Variants in PTPN2 observed in about 807,000 individuals in gnomAD.
PTPN2 encodes tyrosine-protein phosphatase non-receptor type 2.
In PTPN2, 19 loss-of-function variants were observed where a neutral mutation model predicts 57.3. The observed-to-expected ratio is 0.33, with a 90% CI of 0.23 to 0.49. PTPN2 has a LOEUF of 0.49. Ranked by LOEUF, PTPN2 falls within the 20% of genes least tolerant of loss-of-function variation. The pLI is 0.99. For synonymous variants in PTPN2, 153 were observed against 164.9 expected (o/e 0.93, Z 0.55); for missense variants, 358 against 501.1 (o/e 0.71, Z 2.73).
rs1417557137 is a variant in PTPN2, at chr18:12,825,814, A to G, written c.491T>C (p.Ile164Thr). 8 of 1,604,868 alleles carry G rather than the reference A, an allele frequency of 5.0e-6. No individual in the cohort carries two copies. Among genetic ancestry groups the G allele is most frequent in the African/African-American group, 2.7e-5 (2 of 74,652 alleles). Residue 164 changes from isoleucine to threonine, a missense_variant, in exon 5 of 9, where the codon ATC (isoleucine) becomes ACC (threonine). Around this residue, in one of 4 missense-constraint regions of PTPN2, gnomAD observed 193 missense variants for 315.4 expected, o/e 0.61. Coordinates refer to ENST00000309660, the MANE Select transcript of PTPN2 (RefSeq NM_002828.4). ...YTVHLLQLENINSGETRTISH... is the reference protein window; with the variant it reads ...YTVHLLQLENTNSGETRTISH... ...TTCGGGCAAGAAAGGTCTTACATTG[A>G]TATTTTCTAATTGTAGTAGATGTAC...
In PTPN2 at chr18:12,841,031, CATT is replaced by C; in HGVS notation, c.161-4143_161-4141del. ...AACCTATAGGGATCTAAAGGTAAGA[CATT>C]ATTTGTTTGAAGCTTTTAAAAAGGA... On this transcript the variant is annotated intron_variant, in intron 2 of 8. Coordinates refer to ENST00000309660, the MANE Select transcript of PTPN2 (RefSeq NM_002828.4). The C allele has an allele frequency of 3.0e-6, 4 of 1,346,446 alleles. No homozygotes were observed. In the South Asian group the frequency reaches 6.5e-5, roughly 22 times the overall value. 83.4% of individuals were successfully genotyped at this position (1,346,446 alleles called of 1,614,324 possible).
chr18:12,789,957 C>G (rs2040942895), downstream of PTPN2, among the ~76,000 whole-genome samples: 1 of 151,520 alleles, frequency 6.6e-6, no homozygotes, highest in African/African-American at 2.4e-5. Context: ...CAGAGAGAGA[C>G]AAGTCTCCTC....
intron 7 of PTPN2, among the ~76,000 whole-genome samples, chr18:12,812,607 G>GA (rs796779240): frequency 6.7e-5 from 10 of 149,846 alleles, no homozygotes; most frequent in East Asian, 2.0e-4. Context: ...CTCAAAAAAA[G>GA]AAAAAAAAAC....
chr18:12,807,586 A>AAAAAAAAAAAAAAAAAAATATAT, intron 7 of PTPN2, among the ~76,000 whole-genome samples: 2 of 35,198 alleles, frequency 5.7e-5, no homozygotes, highest in African/African-American at 7.0e-5. Context: ...AAAAAAAAAA[A>AAAAAAAAAAAAAAAAAAATATAT]ATATATATAT....
At chr18:12,811,871 A>G (rs2041901937) in intron 7 of PTPN2, among the ~76,000 whole-genome samples, 1 of 108,910 alleles carries the variant, frequency 9.2e-6, no homozygotes, top group Non-Finnish European at 2.1e-5. Context: ...GCACCAACCC[A>G]TGAGTCACTG....
chr18:12,856,030 G>A (rs1276716572), intron 2 of PTPN2, among the ~76,000 whole-genome samples: 1 of 152,196 alleles, frequency 6.6e-6, no homozygotes, highest in Non-Finnish European at 1.5e-5. Flanking sequence ...ACAGAAAGTA[G>A]CCCTCAAGGC....
At chr18:12,797,226 G>A (rs1349606690) in intron 8 of PTPN2, among the ~76,000 whole-genome samples, 1 of 152,064 alleles carries the variant, frequency 6.6e-6, no homozygotes, top group East Asian at 1.9e-4. Context: ...AGGAGCCTGG[G>A]GGTATCGTTA....
At chr18:12,870,492 GAGAGAGAA>G (rs1414366266) in intron 1 of PTPN2, among the ~76,000 whole-genome samples, 4 of 98,756 alleles carry the variant, frequency 4.1e-5, no homozygotes, top group Non-Finnish European at 7.3e-5. Flanking sequence ...GAGAGAGAGA[GAGAGAGAA>G]AAGCGTGTTG....
chr18:12,805,161 A>C (rs1320509198), intron 7 of PTPN2, among the ~76,000 whole-genome samples: 1 of 152,188 alleles, frequency 6.6e-6, no homozygotes, highest in African/African-American at 2.4e-5. Context: ...CCATTTGATA[A>C]AATTCAACAT....
At chr18:12,802,369 T>G (rs568051301) in intron 7 of PTPN2, among the ~76,000 whole-genome samples, 1 of 152,362 alleles carries the variant, frequency 6.6e-6, no homozygotes, top group African/African-American at 2.4e-5. Context: ...TTAGTATTTA[T>G]GTACATGAGT....
At chr18:12,821,592 C>A (rs1017240380) in intron 5 of PTPN2, among the ~76,000 whole-genome samples, 1 of 152,176 alleles carries the variant, frequency 6.6e-6, no homozygotes, top group African/African-American at 2.4e-5. Context: ...ATCAAACTCA[C>A]CAGATCAGGA....
chr18:12,839,835 A>G (rs2042986615), intron 2 of PTPN2, among the ~76,000 whole-genome samples: 1 of 151,842 alleles, frequency 6.6e-6, no homozygotes, highest in African/African-American at 2.4e-5. Flanking sequence ...CTCAAACAGC[A>G]TGTTTTCTGA....
rs762208208 is a variant in PTPN2, at chr18:12,859,128, A to G, written c.160+36T>C. On this transcript the variant is annotated intron_variant, in intron 2 of 8. Coordinates refer to ENST00000309660, the MANE Select transcript of PTPN2 (RefSeq NM_002828.4). ...ACATCCTGCCTCCTAAAACAAACCA[A>G]AAAATACACATGCACACAAACCCAC... 1.8e-4 allele frequency: 281 copies of G among 1,561,552 alleles called. 1 individual carries two copies. The highest frequency in any genetic ancestry group is 1.7e-5 in the Non-Finnish European group (19 of 1,136,080).
At chr18:12,819,405 T>C (rs2042194734) in intron 5 of PTPN2, 2 of 422,522 alleles carry the variant, frequency 4.7e-6, no homozygotes, top group Middle Eastern at 5.7e-4. Context: ...CTATATACTA[T>C]ACTATTCCAT....
intron 2 of PTPN2, among the ~76,000 whole-genome samples, chr18:12,842,307 T>C (rs2043071135): frequency 6.6e-6 from 1 of 152,138 alleles, no homozygotes; most frequent in South Asian, 2.1e-4. Context: ...GATTTAACTT[T>C]CATCACATCC....
chr18:12,829,504 C>CAAAA, intron 4 of PTPN2, among the ~76,000 whole-genome samples: 1 of 89,128 alleles, frequency 1.1e-5, no homozygotes, highest in Non-Finnish European at 2.3e-5. Context: ...ACTCTGTCTC[C>CAAAA]AAAAAAAAAA....
intron 1 of PTPN2, among the ~76,000 whole-genome samples, chr18:12,883,345 G>A (rs994453776): frequency 6.6e-6 from 1 of 152,246 alleles, no homozygotes; most frequent in Non-Finnish European, 1.5e-5. Flanking sequence ...TTCTATGGGG[G>A]CCGAACCCAC....
Position 12,820,535 on chromosome 18 carries a change from C to A in PTPN2, c.496-3170G>T, listed in dbSNP as rs889193963. ...GATACAGAGCTAAAACGAAATTCAT[C>A]TTTATTCCAAACAAGGTCTGCATTT... On this transcript the variant is annotated intron_variant, in intron 5 of 8. Coordinates refer to ENST00000309660, the MANE Select transcript of PTPN2 (RefSeq NM_002828.4). Among the ~76,000 whole-genome samples, 3 of 152,312 alleles carry A rather than the reference C, an allele frequency of 2.0e-5. No homozygotes were observed. The South Asian group carries it at 6.2e-4, about 32-fold the overall frequency.
chr18:12,860,897 G>A (rs1465084897), intron 1 of PTPN2, among the ~76,000 whole-genome samples: 1 of 152,018 alleles, frequency 6.6e-6, no homozygotes, highest in Non-Finnish European at 1.5e-5. Flanking sequence ...AGTAAATACA[G>A]AAATGTAACA....
Sources: allele counts gnomAD v4.1 joint callset (sites outside exome capture counted in the v4.1 genomes callset), GRCh38; gene constraint gnomAD v4.1.1; regional missense constraint gnomAD v4.1.1; transcripts MANE v1.5; gene names NCBI Gene and HGNC (gene_info 2026-07-23, HGNC 2026-07-21).